Variants in MYH3 observed in about 807,000 individuals in gnomAD.
The protein encoded by MYH3 is myosin-3.
A neutral mutation model predicts 238.0 loss-of-function variants in MYH3; 130 were observed. The observed-to-expected ratio is 0.55, with a 90% CI of 0.47 to 0.63. The LOEUF (loss-of-function observed/expected upper bound fraction) is 0.63, where lower values mean the gene tolerates loss of function less well. Ranked by LOEUF, MYH3 falls within the 30% of genes least tolerant of loss-of-function variation. The pLI, the probability that MYH3 is intolerant of heterozygous loss-of-function variation, is 0.00. For synonymous variants in MYH3, 880 were observed against 924.1 expected, an observed-to-expected ratio of 0.95 and a Z score of 0.86; for missense variants, 1,853 against 2,374.9, an observed-to-expected ratio of 0.78 and a Z score of 4.57.
Position 10,630,117 on chromosome 17 carries a change from C to T in MYH3, c.5537G>A (p.Arg1846Gln), listed in dbSNP as rs749437948. ...ESVKGLRKYERRVKELTYQSE... is the reference protein window; with the variant it reads ...ESVKGLRKYEQRVKELTYQSE... ...CTGGTACGTCAGCTCCTTGACCCTC[C>T]GCTCATACTTCCTCAGGCCCTTAAC... Residue 1846 changes from arginine to glutamine, a missense_variant, in exon 38 of 41, where the codon CGG becomes CAG. Transcript: ENST00000583535. The T allele has an allele frequency of 3.7e-6, 6 of 1,614,222 alleles. No homozygotes were observed. The highest frequency in any genetic ancestry group is 1.1e-5 in the South Asian group (1 of 91,090).
chr17:10,653,858 C>T (rs2074401901), intron 3 of MYH3, among the ~76,000 whole-genome samples: 1 of 152,184 alleles, frequency 6.6e-6, no homozygotes. Context: ...TATCTAGCTT[C>T]CTCCTTCCCT....
chr17:10,656,282 T>C (rs2074429269), intron 1 of MYH3, 134 bp from the exon 2 acceptor site: 2 of 152,224 alleles, frequency 1.3e-5, no homozygotes, highest in African/African-American at 4.8e-5. Flanking sequence ...TCCCAGCACT[T>C]TGGGAAGCCG....
At chr17:10,653,463 C>T (rs571705018) in intron 3 of MYH3, among the ~76,000 whole-genome samples, 6 of 152,260 alleles carry the variant, frequency 3.9e-5, no homozygotes, top group African/African-American at 1.4e-4. Context: ...GAAAGGGCCC[C>T]TCAGTTGCCC....
chr17:10,638,400 C>T lies in MYH3; in HGVS notation c.3372G>A (p.Glu1124=). 1 of 1,600,902 alleles carries T rather than the reference C, an allele frequency of 6.2e-7. No homozygotes were observed. Among genetic ancestry groups the T allele is most frequent in the Non-Finnish European group, 8.5e-7 (1 of 1,179,928 alleles). Reference sequence around the variant, plus strand: ...TCTTCGCGCGGGTGGCCCTCTCCGCCTCTATCTCCTCTTCCAGCTCCTCAA... The same window carrying T: ...TCTTCGCGCGGGTGGCCCTCTCCGCTTCTATCTCCTCTTCCAGCTCCTCAA... ...ARIEELEEEI[E]AERATRAKTE... is the part of the protein sequence containing the mutation. The change falls in exon 27 of 41, where the codon GAG becomes GAA. Residue 1124 remains glutamate (E), a synonymous_variant. Coordinates refer to ENST00000583535, the MANE Select transcript of MYH3 (RefSeq NM_002470.4).
chr17:10,640,484 G>C lies in MYH3; in HGVS notation c.2290-15C>G, dbSNP rs983115995. 1 of 1,614,136 alleles carries C rather than the reference G, an allele frequency of 6.2e-7. No individual in the cohort carries two copies. Among genetic ancestry groups the C allele is most frequent in the African/African-American group, 1.3e-5 (1 of 74,936 alleles). ...TTGAAGAACACCTTATGGGGCAGAAGGGTGACATGAGTCAGTTTCCTAGAG... is the reference window on the plus strand; with the variant it reads ...TTGAAGAACACCTTATGGGGCAGAACGGTGACATGAGTCAGTTTCCTAGAG... On this transcript the variant is annotated splice_polypyrimidine_tract_variant and intron_variant, in intron 20 of 40. Transcript: ENST00000583535.
At chr17:10,634,306 G>T in intron 31 of MYH3, 124 bp from the exon 32 acceptor site, 1 of 1,123,956 alleles carries the variant, frequency 8.9e-7, no homozygotes, top group Non-Finnish European at 1.3e-6. Context: ...CTGGCTCCTT[G>T]TTGTCGATTA....
intron 19 of MYH3, 68 bp from the exon 20 acceptor site, chr17:10,640,754 T>C: frequency 6.4e-7 from 1 of 1,566,198 alleles, no homozygotes. Context: ...AACATGTAGT[T>C]CAGGCCTCTC....
rs539560952 is a variant in MYH3 at position 10,638,535 on chromosome 17, T to G, written c.3340-103A>C. 24 of 1,459,834 alleles carry G rather than the reference T, an allele frequency of 1.6e-5. 2 individuals carry two copies. The South Asian group carries it at 2.6e-4, about 16-fold the overall frequency. 90.4% of individuals were successfully genotyped at this position (1,459,834 alleles called of 1,614,324 possible). A position where few individuals can be genotyped will look rare whatever the true frequency, so the allele number is the denominator to read the frequency against. On this transcript the variant is annotated intron_variant, in intron 26 of 40. Transcript: ENST00000583535. ...CCTTCCCATTAGACAAACTGAGTCT[T>G]AGACTCCCCTCCAATGAATACTGCA...
At position 10,642,108 on chromosome 17, in the gene MYH3, T is replaced by A; in HGVS notation, c.1959+132A>T. On this transcript the variant is annotated intron_variant, in intron 17 of 40. Transcript: ENST00000583535. This position sits in a 1 kb window ranked among gnomAD's most constrained non-coding sequence, Gnocchi z 5.4. ...TTTATTATATTTTATCATCTGTCAC[T>A]TCACCTCAGTGACAGTAATCAGATT... The A allele has an allele frequency of 1.4e-6, 1 of 693,900 alleles. No homozygotes were observed. Among genetic ancestry groups the A allele is most frequent in the Non-Finnish European group, 2.5e-6 (1 of 400,016 alleles). 43.0% of individuals were successfully genotyped at this position (693,900 alleles called of 1,614,324 possible).
rs111386599 is a variant in MYH3, at chr17:10,630,728, G to A, written c.5287-270C>T. Among the ~76,000 whole-genome samples the A allele has an allele frequency of 4.4e-3, 669 of 152,256 alleles. 2 individuals carry two copies. Among genetic ancestry groups the A allele is most frequent in the Middle Eastern group, 0.031 (9 of 294 alleles). The stretch of plus-strand genomic sequence containing the variant: ...TAGCTGGGCGTGGTGGCAGATGCCC[G>A]TATTCCCAGCTACTCCGGAGGCTGA... On this transcript the variant is annotated intron_variant, in intron 36 of 40. Transcript: ENST00000583535.
chr17:10,671,131 T>G, the MYH3 span, among the ~76,000 whole-genome samples: 1 of 152,134 alleles, frequency 6.6e-6, no homozygotes, highest in Admixed American at 6.5e-5. Context: ...TGACCTCAGG[T>G]GATCCGCCCG....
At chr17:10,652,027 C>T (rs2074381004) in intron 4 of MYH3, 3 of 392,186 alleles carry the variant, frequency 7.6e-6, no homozygotes, top group Non-Finnish European at 1.4e-5. Flanking sequence ...GGGCGTGAGC[C>T]ACCACACCCA....
In MYH3 at chr17:10,648,669, G is replaced by C; in HGVS notation, c.643-20C>G. On this transcript the variant is annotated intron_variant, in intron 7 of 40. Coordinates refer to ENST00000583535, the MANE Select transcript of MYH3 (RefSeq NM_002470.4). ...AGTCCCCTAATGCAAGAAATTGAGG[G>C]AAGAAGAGGAAACATTTTTTTTTGA... 6.4e-7 allele frequency: 1 copy of C among 1,570,164 alleles called. No individual in the cohort carries two copies. The highest frequency in any genetic ancestry group is 8.7e-7 in the Non-Finnish European group (1 of 1,148,220).
At chr17:10,650,275 C>T in intron 6 of MYH3, 99 bp downstream of exon 6, 2 of 1,306,898 alleles carry the variant, frequency 1.5e-6, no homozygotes, top group Admixed American at 1.7e-5. Flanking sequence ...CGCGCCCAGC[C>T]TGATCTTTTT....
chr17:10,641,966 T>C (rs2074277222), intron 17 of MYH3, among the ~76,000 whole-genome samples: 2 of 152,222 alleles, frequency 1.3e-5, no homozygotes. Flanking sequence ...GTGAGGTCTA[T>C]TGCTGGTGTC....
chr17:10,642,275 C>A lies in MYH3; in HGVS notation c.1924G>T (p.Gly642Cys). 6.2e-7 allele frequency: 1 copy of A among 1,614,040 alleles called. No individual in the cohort carries two copies. Among genetic ancestry groups the A allele is most frequent in the South Asian group, 1.1e-5 (1 of 91,044 alleles). The change falls in exon 17 of 41, where the codon GGT becomes TGT. Residue 642 changes from glycine to cysteine, a missense_variant. Gly to Cys is a radical substitution (Grantham distance 159). Coordinates refer to ENST00000583535, the MANE Select transcript of MYH3 (RefSeq NM_002470.4). This position sits in a 1 kb window ranked among gnomAD's most constrained non-coding sequence, Gnocchi z 5.4. ...GCAGAGACAGTTTGGAAGGAAGAACCCTTCTTCTTGGCAACTTTCTTCTTT... is the reference window on the plus strand; with the variant it reads ...GCAGAGACAGTTTGGAAGGAAGAACACTTCTTCTTGGCAACTTTCTTCTTT... The part of the protein sequence containing the change: ...SGKKKVAKKK[G>C]SSFQTVSALF...
At position 10,633,582 on chromosome 17, in the gene MYH3, A is replaced by C; in HGVS notation, c.4647+9T>G. ...GCATCTGCGCCTGAGCCTGCCTCCC[A>C]GCACTCACCTCTGCTTCCTCGAGAG... On this transcript the variant is annotated intron_variant, in intron 33 of 40. Transcript: ENST00000583535. 1 of 1,612,604 alleles carries C rather than the reference A, an allele frequency of 6.2e-7. No homozygotes were observed. The highest frequency in any genetic ancestry group is 8.5e-7 in the Non-Finnish European group (1 of 1,179,880).
Position 10,631,865 on chromosome 17 carries a change from G to T in MYH3, c.5108C>A (p.Ala1703Glu). Residue 1703 changes from alanine (A) to glutamate (E), a missense_variant, in exon 35 of 41, where the codon GCG (alanine) becomes GAG (glutamate). Ala to Glu is a moderately radical substitution (Grantham distance 107, BLOSUM62 -1). Coordinates refer to ENST00000583535, the MANE Select transcript of MYH3 (RefSeq NM_002470.4). ...GTTGGAGTCCAGGAGCTCCTGTTCC[G>T]CCAGTTTCCGGGCCCTCTCCGTCTG... The part of the protein sequence containing the change: ...LEQTERARKL[A>E]EQELLDSNER... The T allele has an allele frequency of 1.2e-6, 2 of 1,614,092 alleles. No homozygotes were observed. Among genetic ancestry groups the T allele is most frequent in the Non-Finnish European group, 1.7e-6 (2 of 1,180,016 alleles).
rs1251654590 is a variant in MYH3 at position 10,644,336 on chromosome 17, A to G, written c.1410+15T>C. On this transcript the variant is annotated intron_variant, in intron 14 of 40. Transcript: ENST00000583535. ...TATGAAGCCATATGAAAATATGAAT[A>G]TAAGTAACACAAACCTCAAAGATTT... The G allele has an allele frequency of 2.5e-6, 4 of 1,611,790 alleles. No homozygotes were observed. Among genetic ancestry groups the G allele is most frequent in the African/African-American group, 1.3e-5 (1 of 74,890 alleles).
Sources: allele counts gnomAD v4.1 joint callset (sites outside exome capture counted in the v4.1 genomes callset), GRCh38; gene constraint gnomAD v4.1.1; non-coding constraint Gnocchi (gnomAD v3.1); transcripts MANE v1.5; gene names NCBI Gene and HGNC (gene_info 2026-07-23, HGNC 2026-07-21).